The following SCRN1 variants were observed in gnomAD, a reference collection of about 807,000 sequenced individuals.
SCRN1 encodes the protein secernin 1.
Under a neutral mutation model 43.3 loss-of-function variants are expected in SCRN1, and 19 were observed. The observed-to-expected ratio is 0.44, with a 90% CI of 0.31 to 0.64. The LOEUF is 0.64. Ranked by LOEUF, SCRN1 falls within the 30% of genes least tolerant of loss-of-function variation. SCRN1 has a pLI of 0.09. For synonymous variants in SCRN1, 183 were observed against 188.9 expected, an observed-to-expected ratio of 0.97 and a Z score of 0.26; for missense variants, 447 against 524.1, an observed-to-expected ratio of 0.85 and a Z score of 1.44.
chr7:29,986,634 ATT>A (rs1452333153), intron 1 of SCRN1, among the ~76,000 whole-genome samples: 11 of 150,988 alleles, frequency 7.3e-5, no homozygotes, highest in African/African-American at 2.7e-4. Flanking sequence ...GCATTTCTGT[ATT>A]TTTACAACTT....
intron 2 of SCRN1, among the ~76,000 whole-genome samples, chr7:29,958,183 C>T (rs1788199153): frequency 6.6e-6 from 1 of 152,284 alleles, no homozygotes; most frequent in African/African-American, 2.4e-5. Context: ...CCACAGAGCA[C>T]GGGCCTCATA....
intron 4 of SCRN1, among the ~76,000 whole-genome samples, chr7:29,941,324 C>A (rs1212897474): frequency 6.6e-6 from 1 of 152,150 alleles, no homozygotes; most frequent in Non-Finnish European, 1.5e-5. Flanking sequence ...TATAGAAAGC[C>A]CCCTCCCTGG....
At chr7:29,974,569 G>T (rs1354299802) in intron 1 of SCRN1, among the ~76,000 whole-genome samples, 2 of 151,564 alleles carry the variant, frequency 1.3e-5, no homozygotes, top group Non-Finnish European at 2.9e-5. Flanking sequence ...TCAAAATATT[G>T]GGTAACATAC....
intron 1 of SCRN1, among the ~76,000 whole-genome samples, chr7:29,982,862 A>G (rs1789033271): frequency 1.4e-5 from 2 of 148,138 alleles, no homozygotes; most frequent in South Asian, 4.2e-4. Context: ...TTTTTTTGAG[A>G]CGGATTCTCG....
chr7:29,940,896 C>A lies in SCRN1; in HGVS notation c.545-20G>T. ...CTCCCTCTGCAGAGAGTGCAAAGCC[C>A]CATAAGTTAAAAATATACTTATAAA... On this transcript the variant is annotated intron_variant, in intron 4 of 7. Coordinates refer to ENST00000242059, the MANE Select transcript of SCRN1 (RefSeq NM_014766.5). The A allele has an allele frequency of 6.8e-7, 1 of 1,466,346 alleles. No individual in the cohort carries two copies. Among genetic ancestry groups the A allele is most frequent in the Non-Finnish European group, 9.0e-7 (1 of 1,111,644 alleles). 90.8% of individuals were successfully genotyped at this position (1,466,346 alleles called of 1,614,324 possible).
chr7:29,935,793 T>A (rs1056206395), intron 6 of SCRN1, among the ~76,000 whole-genome samples: 4 of 152,216 alleles, frequency 2.6e-5, no homozygotes, highest in African/African-American at 9.6e-5. Flanking sequence ...TCTTCATAAA[T>A]AATCGTTAAA....
At chr7:29,926,313 C>T in intron 7 of SCRN1, 139 bp downstream of exon 7, 1 of 857,310 alleles carries the variant, frequency 1.2e-6, no homozygotes, top group Non-Finnish European at 1.7e-6. Flanking sequence ...GCCCCAGGAA[C>T]CTGGTCTCTG....
intron 1 of SCRN1, among the ~76,000 whole-genome samples, chr7:29,969,507 G>C (rs1788602796): frequency 6.6e-6 from 1 of 152,136 alleles, no homozygotes; most frequent in South Asian, 2.1e-4. Flanking sequence ...TAACAGATTT[G>C]GGGTGTGATG....
chr7:29,955,704 C>T (rs1021101394), intron 2 of SCRN1, among the ~76,000 whole-genome samples: 6 of 152,142 alleles, frequency 3.9e-5, no homozygotes, highest in African/African-American at 7.2e-5. Context: ...CAGCTATTTA[C>T]GAGCCCTACC....
chr7:29,958,990 C>T (rs1788222550), intron 2 of SCRN1, among the ~76,000 whole-genome samples: 1 of 152,162 alleles, frequency 6.6e-6, no homozygotes. Flanking sequence ...GAACCTAGAG[C>T]CAAAGACAAA....
intron 5 of SCRN1, among the ~76,000 whole-genome samples, chr7:29,938,980 A>T (rs1787437055): frequency 6.6e-6 from 1 of 152,058 alleles, no homozygotes. Context: ...ATTTTCTGTA[A>T]ATTAGTAGCT....
upstream of SCRN1, chr7:29,989,950 T>C (rs1183097429): frequency 8.3e-7 from 1 of 1,207,008 alleles, no homozygotes; most frequent in East Asian, 5.0e-5. Flanking sequence ...CACCGTCGAG[T>C]AGGGAGGGGG....
chr7:29,958,019 C>T (rs1454627537), intron 2 of SCRN1, among the ~76,000 whole-genome samples: 1 of 152,122 alleles, frequency 6.6e-6, no homozygotes. Flanking sequence ...GTTTTTCAGG[C>T]CAAACTCGGA....
In SCRN1 at chr7:29,923,917, T is replaced by A; in HGVS notation, c.*40A>T. The A allele has an allele frequency of 3.2e-6, 5 of 1,566,798 alleles. No homozygotes were observed. Among genetic ancestry groups the A allele is most frequent in the Non-Finnish European group, 4.3e-6 (5 of 1,154,526 alleles). On this transcript the variant is annotated 3_prime_UTR_variant, in exon 8 of 8. Coordinates refer to ENST00000242059, the MANE Select transcript of SCRN1 (RefSeq NM_014766.5). ...TTGTTTTGCTGGTAATTTAGTAAGG[T>A]GGGAAGTCTTAAATAAGAAGGGGAA... is the stretch of plus-strand genomic sequence containing the variant.
At chr7:29,941,748 A>G (rs561411178) in intron 4 of SCRN1, among the ~76,000 whole-genome samples, 2 of 152,340 alleles carry the variant, frequency 1.3e-5, no homozygotes, top group African/African-American at 4.8e-5. Flanking sequence ...CTGGCTTGCT[A>G]TGTCTTCTTC....
At chr7:29,931,680 A>T (rs1334637783) in intron 6 of SCRN1, among the ~76,000 whole-genome samples, 1 of 152,218 alleles carries the variant, frequency 6.6e-6, no homozygotes, top group Non-Finnish European at 1.5e-5. Flanking sequence ...CTCTTACTGA[A>T]GATGCAGAAA....
intron 1 of SCRN1, among the ~76,000 whole-genome samples, chr7:29,985,763 C>T (rs56785801): frequency 1.4e-3 from 208 of 152,296 alleles, no homozygotes; most frequent in African/African-American, 4.9e-3. Context: ...CAGTCCCAGC[C>T]CACCACATAC....
chr7:29,966,360 C>G (rs947451457), intron 2 of SCRN1, among the ~76,000 whole-genome samples: 1 of 152,084 alleles, frequency 6.6e-6, no homozygotes, highest in African/African-American at 2.4e-5. Flanking sequence ...GCCCTTCACA[C>G]TGGAAGAAGG....
chr7:29,947,716 C>CCAAAAATT (rs1238355157), intron 3 of SCRN1, among the ~76,000 whole-genome samples: 1 of 152,164 alleles, frequency 6.6e-6, no homozygotes, highest in African/African-American at 2.4e-5. Context: ...CCTGGTTTCC[C>CCAAAAATT]CAAAAATTCA....
Sources: gnomAD v4.1 joint callset for allele counts (sites outside exome capture counted in the v4.1 genomes callset) on GRCh38, gnomAD v4.1.1 for gene constraint, MANE v1.5 for transcripts, NCBI Gene and HGNC (gene_info 2026-07-23, HGNC 2026-07-21) for gene names.